MAF: variants seen among roughly 807,000 people sequenced by gnomAD.
The protein encoded by MAF is transcription factor Maf.
A neutral mutation model predicts 22.0 loss-of-function variants in MAF; 10 were observed. That is an observed-to-expected ratio of 0.45 (90% confidence interval 0.28 to 0.77). The LOEUF is 0.77. Ranked by LOEUF, MAF falls within the 30% of genes least tolerant of loss-of-function variation. The pLI is 0.12. For missense variants in MAF, 544 were observed against 548.4 expected (o/e 0.99, Z 0.08); for synonymous variants, 337 against 255.8 (o/e 1.32, Z -3.03).
chr16:79,580,745 A>T, the MAF span, among the ~76,000 whole-genome samples: 1 of 152,176 alleles, frequency 6.6e-6, no homozygotes, highest in African/African-American at 2.4e-5. Context: ...GGTAAAGCTC[A>T]TGTAGCCTGT....
At chr16:79,352,474 C>T in the MAF span, among the ~76,000 whole-genome samples, 1 of 152,030 alleles carries the variant, frequency 6.6e-6, no homozygotes, top group Non-Finnish European at 1.5e-5. Context: ...TCCTCTAAGC[C>T]TGAGAATTGT....
At chr16:79,412,829 C>G in the MAF span, among the ~76,000 whole-genome samples, 1,444 of 152,254 alleles carry the variant, frequency 9.5e-3, 24 homozygotes, top group African/African-American at 0.033. Flanking sequence ...TTCTGGGAGG[C>G]GGCACTAGAG....
the MAF span, among the ~76,000 whole-genome samples, chr16:79,547,286 TAC>T: frequency 6.6e-6 from 1 of 150,910 alleles, no homozygotes. Flanking sequence ...CACACGCACA[TAC>T]ACACACACAC....
At chr16:79,413,851 C>T in the MAF span, among the ~76,000 whole-genome samples, 2 of 152,156 alleles carry the variant, frequency 1.3e-5, no homozygotes, top group Admixed American at 6.5e-5. Context: ...GATAACACAT[C>T]GTTCATTCGA....
rs887468453 is a variant in MAF, at chr16:79,599,201, TCCGCCG to T, written c.696_701del (p.Gly237_Gly238del). 2.0e-4 allele frequency: 191 copies of T among 974,924 alleles called. 1 individual carries two copies. Among genetic ancestry groups the T allele is most frequent in the South Asian group, 1.7e-3 (37 of 21,834 alleles). The allele number at this position is 974,924 out of a possible 1,614,324, so 60.4% of individuals were successfully genotyped here. A position where few individuals can be genotyped will look rare whatever the true frequency, so the allele number is the denominator to read the frequency against. On this transcript the variant is annotated inframe_deletion, in exon 1 of 2. Transcript: ENST00000326043. The stretch of plus-strand genomic sequence containing the variant: ...CCGCCCCCGCCGCGCCCCCGCCGCC[TCCGCCG>T]CCGCCGCCGCCGCCGCCGCCCCCAG...
At chr16:79,433,007 T>C in the MAF span, among the ~76,000 whole-genome samples, 2 of 152,154 alleles carry the variant, frequency 1.3e-5, no homozygotes, top group African/African-American at 4.8e-5. Flanking sequence ...AGCAAACTAA[T>C]ACACCAGGTA....
chr16:79,496,699 A>T, the MAF span, among the ~76,000 whole-genome samples: 2 of 152,220 alleles, frequency 1.3e-5, no homozygotes, highest in African/African-American at 2.4e-5. Flanking sequence ...GGATCTAGAG[A>T]TGCTTCAATG....
the MAF span, among the ~76,000 whole-genome samples, chr16:79,351,798 T>C: frequency 6.6e-6 from 1 of 152,144 alleles, no homozygotes; most frequent in Admixed American, 6.5e-5. Flanking sequence ...AACGGCAGCC[T>C]GAACACACAA....
At chr16:79,274,674 G>A in the MAF span, among the ~76,000 whole-genome samples, 2 of 152,132 alleles carry the variant, frequency 1.3e-5, no homozygotes, top group Admixed American at 6.5e-5. Flanking sequence ...AGGGGGTTGA[G>A]CTTAAGCTGC....
At chr16:79,395,336 G>C in the MAF span, among the ~76,000 whole-genome samples, 7 of 152,294 alleles carry the variant, frequency 4.6e-5, no homozygotes, top group Middle Eastern at 3.4e-3. Context: ...AGGGAGCATA[G>C]GTTTGCTAAG....
chr16:79,218,118 T>C, the MAF span, among the ~76,000 whole-genome samples: 7 of 149,712 alleles, frequency 4.7e-5, no homozygotes, highest in East Asian at 1.4e-3. Flanking sequence ...CTAAGTAATA[T>C]CACAAATTAT....
At chr16:79,410,514 G>C in the MAF span, among the ~76,000 whole-genome samples, 4 of 152,174 alleles carry the variant, frequency 2.6e-5, no homozygotes, top group Non-Finnish European at 5.9e-5. Flanking sequence ...TGTACCTTCA[G>C]TATGAATCGT....
At chr16:79,420,002 C>T in the MAF span, among the ~76,000 whole-genome samples, 13 of 123,904 alleles carry the variant, frequency 1.0e-4, no homozygotes, top group South Asian at 9.2e-4. Context: ...GGGTAACACA[C>T]GGTTTTTTTT....
chr16:79,386,386 C>T, the MAF span, among the ~76,000 whole-genome samples: 1 of 152,126 alleles, frequency 6.6e-6, no homozygotes, highest in East Asian at 1.9e-4. Context: ...CCAGATCCCT[C>T]AGATGTGCAG....
chr16:79,269,746 T>A, the MAF span, among the ~76,000 whole-genome samples: 1 of 151,980 alleles, frequency 6.6e-6, no homozygotes, highest in Non-Finnish European at 1.5e-5. Flanking sequence ...TTCATGCAAA[T>A]CGCCCTGAGT....
the MAF span, among the ~76,000 whole-genome samples, chr16:79,510,920 T>C: frequency 6.6e-6 from 1 of 152,320 alleles, no homozygotes; most frequent in South Asian, 2.1e-4. Context: ...GAATTTTAAG[T>C]TGCTATATGT....
the MAF span, among the ~76,000 whole-genome samples, chr16:79,421,795 T>G: frequency 3.3e-5 from 5 of 152,084 alleles, no homozygotes; most frequent in African/African-American, 7.2e-5. Context: ...TTTTTTCTTT[T>G]GAGACAGAGT....
chr16:79,455,205 C>T, the MAF span, among the ~76,000 whole-genome samples: 1 of 152,018 alleles, frequency 6.6e-6, no homozygotes. Context: ...CATACCTAGA[C>T]TATCAGTATC....
chr16:79,408,785 T>C, the MAF span, among the ~76,000 whole-genome samples: 1 of 151,940 alleles, frequency 6.6e-6, no homozygotes, highest in Non-Finnish European at 1.5e-5. Context: ...AACTAGATAC[T>C]AAGGATACAG....
Sources: allele counts gnomAD v4.1 joint callset (sites outside exome capture counted in the v4.1 genomes callset), GRCh38; gene constraint gnomAD v4.1.1; transcripts MANE v1.5; gene names NCBI Gene and HGNC (gene_info 2026-07-23, HGNC 2026-07-21).